The following LY75 variants were observed in gnomAD, a reference collection of about 807,000 sequenced individuals.
The protein encoded by LY75 is C-type lectin domain family 13 member B.
A neutral mutation model predicts 231.7 loss-of-function variants in LY75; 185 were observed. That is an observed-to-expected ratio of 0.80 (90% CI 0.71 to 0.90). The LOEUF is 0.90. LY75 is among the 40% of genes least tolerant of loss of function. The pLI, the probability that LY75 is intolerant of heterozygous loss-of-function variation, is 0.00. For synonymous variants in LY75, 668 were observed against 689.0 expected (o/e 0.97, Z 0.48); for missense variants, 1,947 against 2,050.2 (o/e 0.95, Z 0.97).
In LY75 at chr2:159,876,061, C is replaced by T. The variant is rs148976305; in HGVS notation, c.1775-418G>A. Reference sequence around the variant, plus strand: ...AGCAGTTTTTAAGAAACTTAGTTAACCTCAAAACACAACTCTCCCAGATTC... The same window carrying T: ...AGCAGTTTTTAAGAAACTTAGTTAATCTCAAAACACAACTCTCCCAGATTC... On this transcript the variant is annotated intron_variant, in intron 11 of 34. Coordinates refer to ENST00000263636, the MANE Select transcript of LY75 (RefSeq NM_002349.4). Among the ~76,000 whole-genome samples the T allele has an allele frequency of 1.6e-3, 242 of 152,212 alleles. 1 individual carries two copies. Among genetic ancestry groups the T allele is most frequent in the Non-Finnish European group, 2.6e-3 (179 of 67,996 alleles).
intron 23 of LY75, among the ~76,000 whole-genome samples, chr2:159,847,639 T>C (rs945770769): frequency 6.6e-6 from 1 of 152,218 alleles, no homozygotes; most frequent in Admixed American, 6.5e-5. Context: ...TGAAATAATG[T>C]ATGTGATACA....
At chr2:159,896,627 AAGTCCCTAACTTAAGACAGC>A (rs1685915826) in intron 2 of LY75, among the ~76,000 whole-genome samples, 1 of 152,192 alleles carries the variant, frequency 6.6e-6, no homozygotes, top group Non-Finnish European at 1.5e-5. Flanking sequence ...GTCCTAGAGA[AAGTCCCTAACTTAAGACAGC>A]AGTCCCTAAC....
At chr2:159,890,508 A>G in intron 3 of LY75, 131 bp from the exon 4 acceptor site, 3 of 1,239,128 alleles carry the variant, frequency 2.4e-6, no homozygotes, top group Non-Finnish European at 3.3e-6. Flanking sequence ...GCCATCACTC[A>G]TTTAGACCAT....
rs977507384 is a variant in LY75 at position 159,878,263 on chromosome 2, G to A, written c.1774+61C>T. On this transcript the variant is annotated intron_variant, in intron 11 of 34. Transcript: ENST00000263636. ...CAAAAGTAAGTGAGGAACATCTTTG[G>A]GAGGAGTGCTGCCTTTCACTAGTCA... 4 of 1,555,336 alleles carry A rather than the reference G, an allele frequency of 2.6e-6. No individual in the cohort carries two copies. In the African/African-American group the frequency reaches 4.1e-5, roughly 16 times the overall value.
At chr2:159,827,917 T>C (rs919718330) in intron 28 of LY75, among the ~76,000 whole-genome samples, 9 of 151,384 alleles carry the variant, frequency 5.9e-5, no homozygotes, top group African/African-American at 9.7e-5. Context: ...TGAGAACACA[T>C]GGACACAGGG....
chr2:159,853,766 T>C (rs959254097), intron 18 of LY75, 69 bp from the exon 19 acceptor site: 19 of 1,598,386 alleles, frequency 1.2e-5, no homozygotes, highest in Non-Finnish European at 1.5e-5. Flanking sequence ...TTCGAATACA[T>C]TGTCTTACTA....
rs1685049234 is a variant in LY75, at chr2:159,872,587, G to T, written c.1981C>A (p.His661Asn). The change falls in exon 13 of 35, where the codon CAT (histidine) becomes AAT (asparagine). Residue 661 changes from histidine (H) to asparagine (N), a missense_variant. Coordinates refer to ENST00000263636, the MANE Select transcript of LY75 (RefSeq NM_002349.4). ...PASLSCYKVF[H>N]AERIVRKRNW... ...CTCTTTCTTACAATTCTTTCTGCATGGAATACCTTAGCAAAATATAATATT... is the reference window on the plus strand; with the variant it reads ...CTCTTTCTTACAATTCTTTCTGCATTGAATACCTTAGCAAAATATAATATT... The T allele has an allele frequency of 6.2e-7, 1 of 1,611,938 alleles. No individual in the cohort carries two copies. Among genetic ancestry groups the T allele is most frequent in the South Asian group, 1.1e-5 (1 of 90,774 alleles).
In LY75 at chr2:159,875,455, A is replaced by G; in HGVS notation, c.1963T>C (p.Ser655Pro). The stretch of plus-strand genomic sequence containing the variant: ...GAATGTCACTTTACCTTATAACAAG[A>G]AAGACTTGCGGGGAAACTCTGCCAG... ...EGWQSFPASL[S>P]CYKVFHAERI... Residue 655 changes from serine to proline, a missense_variant, in exon 12 of 35, where the codon TCT (serine) becomes CCT (proline). Physicochemically the swap from Ser to Pro is moderately conservative, Grantham distance 74. Coordinates refer to ENST00000263636, the MANE Select transcript of LY75 (RefSeq NM_002349.4). 1.2e-6 allele frequency: 2 copies of G among 1,612,884 alleles called. No individual in the cohort carries two copies. Among genetic ancestry groups the G allele is most frequent in the Non-Finnish European group, 8.5e-7 (1 of 1,179,568 alleles).
intron 13 of LY75, among the ~76,000 whole-genome samples, chr2:159,870,690 T>TA (rs971960095): frequency 3.7e-5 from 5 of 136,896 alleles, no homozygotes; most frequent in African/African-American, 5.1e-5. Context: ...TTTTTTTTTT[T>TA]AAATAGAGAT....
intron 4 of LY75, among the ~76,000 whole-genome samples, chr2:159,888,907 G>A (rs1574596127): frequency 1.3e-5 from 2 of 152,222 alleles, no homozygotes; most frequent in South Asian, 2.1e-4. Context: ...TAACAATAAC[G>A]TCCACCTCAT....
chr2:159,875,776 A>G lies in LY75; in HGVS notation c.1775-133T>C, dbSNP rs1015661757. ...AAAAATGGAACAAAGAGAGGAAAGA[A>G]ATATGTTGTTCAGAATAATAATGAC... is the stretch of plus-strand genomic sequence containing the variant. On this transcript the variant is annotated intron_variant, in intron 11 of 34. Transcript: ENST00000263636. The G allele has an allele frequency of 2.8e-5, 31 of 1,107,428 alleles. 1 individual carries two copies. The highest frequency in any genetic ancestry group is 3.8e-6 in the Non-Finnish European group (3 of 790,462). 68.6% of individuals were successfully genotyped at this position (1,107,428 alleles called of 1,614,324 possible).
At chr2:159,823,139 A>G (rs934024999) in intron 28 of LY75, among the ~76,000 whole-genome samples, 2 of 152,130 alleles carry the variant, frequency 1.3e-5, no homozygotes, top group African/African-American at 4.8e-5. Context: ...GTGGGTAATT[A>G]CAAACTGCTC....
At chr2:159,869,647 C>T (rs535343194) in intron 13 of LY75, among the ~76,000 whole-genome samples, 4 of 152,286 alleles carry the variant, frequency 2.6e-5, no homozygotes, top group African/African-American at 9.6e-5. Flanking sequence ...ATTGTGATGG[C>T]CTGATACTCA....
At position 159,808,596 on chromosome 2, in the gene LY75, AT is replaced by A. The variant is rs750369393; in HGVS notation, c.4700-26del. ...TCTGTTGAAAGAAAACACATTCTCA[AT>A]TAGCTTTATGGAAACTAGAGAAGTA... is the stretch of plus-strand genomic sequence containing the variant. On this transcript the variant is annotated intron_variant, in intron 32 of 34. Coordinates refer to ENST00000263636, the MANE Select transcript of LY75 (RefSeq NM_002349.4). The A allele has an allele frequency of 1.8e-5, 29 of 1,611,002 alleles. 1 individual carries two copies. In the South Asian group the frequency reaches 3.2e-4, roughly 18 times the overall value.
At chr2:159,860,427 C>G (rs1267340743) in intron 15 of LY75, among the ~76,000 whole-genome samples, 1 of 152,152 alleles carries the variant, frequency 6.6e-6, no homozygotes, top group African/African-American at 2.4e-5. Flanking sequence ...TTATTTTATA[C>G]CACTTTCTCA....
At chr2:159,834,273 A>C (rs1381919893) in intron 26 of LY75, 62 bp from the exon 27 acceptor site, 15 of 1,595,136 alleles carry the variant, frequency 9.4e-6, no homozygotes, top group African/African-American at 2.7e-5. Context: ...TCCTGTTTGC[A>C]GTCATTAGGC....
chr2:159,858,041 A>G (rs1684596382), intron 16 of LY75, among the ~76,000 whole-genome samples: 1 of 152,220 alleles, frequency 6.6e-6, no homozygotes, highest in South Asian at 2.1e-4. Flanking sequence ...GCATCAAAAT[A>G]AAAACGAAAA....
At chr2:159,854,817 G>A in intron 17 of LY75, 87 bp downstream of exon 17, 1 of 1,548,148 alleles carries the variant, frequency 6.5e-7, no homozygotes, top group Non-Finnish European at 8.8e-7. Context: ...GATGTATAGA[G>A]AAGAAGCTGG....
chr2:159,858,773 C>T (rs571716314), intron 15 of LY75, among the ~76,000 whole-genome samples: 3 of 152,272 alleles, frequency 2.0e-5, no homozygotes, highest in Admixed American at 2.0e-4. Flanking sequence ...ATCCAAGCAC[C>T]AAGCTGTGAT....
Sources: gnomAD v4.1 joint callset for allele counts (sites outside exome capture counted in the v4.1 genomes callset) on GRCh38, gnomAD v4.1.1 for gene constraint, MANE v1.5 for transcripts, NCBI Gene and HGNC (gene_info 2026-07-23, HGNC 2026-07-21) for gene names.